The following PLPPR2 variants were observed in gnomAD, a reference collection of about 807,000 sequenced individuals.
The protein encoded by PLPPR2 is phospholipid phosphatase related 2, also known as phospholipid phosphatase-related protein type 2.
PLPPR2 carries 11 observed loss-of-function variants against 40.3 expected under a neutral mutation model. That is an observed-to-expected ratio of 0.27 (90% confidence interval 0.17 to 0.45). The LOEUF (loss-of-function observed/expected upper bound fraction) is 0.45. PLPPR2 is among the 20% of genes least tolerant of loss of function. The pLI is 1.00. For synonymous variants in PLPPR2, 260 were observed against 290.8 expected, an observed-to-expected ratio of 0.89 and a Z score of 1.08; for missense variants, 497 against 640.7, an observed-to-expected ratio of 0.78 and a Z score of 2.42.
At position 11,365,115 on chromosome 19, in the gene PLPPR2, T is replaced by G; in HGVS notation, c.*425T>G. 1 of 205,384 alleles carries G rather than the reference T, an allele frequency of 4.9e-6. No individual in the cohort carries two copies. The allele number at this position is 205,384 out of a possible 1,614,324, so 12.7% of individuals were successfully genotyped here. A position where few individuals can be genotyped will look rare whatever the true frequency, so the allele number is the denominator to read the frequency against. On this transcript the variant is annotated 3_prime_UTR_variant, in exon 10 of 10. Coordinates refer to ENST00000688289, the MANE Select transcript of PLPPR2 (RefSeq NM_001393892.1). ...AGGAGCCCTTGGTTTCCAGAATTTC[T>G]AGAGTGGGTGGGCATGATTCCAGTC... is the stretch of plus-strand genomic sequence containing the variant.
In PLPPR2 at chr19:11,357,586, G is replaced by A. The variant is rs375547454; in HGVS notation, c.-14-74G>A. ...GTGGCCAAAGGACTCAGGGGATGAA[G>A]CCAGGGTCCCGGTGACCTGAGCCTT... On this transcript the variant is annotated intron_variant, in intron 2 of 9. Coordinates refer to ENST00000688289, the MANE Select transcript of PLPPR2 (RefSeq NM_001393892.1). 2.3e-5 allele frequency: 26 copies of A among 1,137,520 alleles called. 2 individuals carry two copies. The highest frequency in any genetic ancestry group is 1.6e-4 in the African/African-American group (10 of 63,384). 70.5% of individuals were successfully genotyped at this position (1,137,520 alleles called of 1,614,324 possible).
chr19:11,360,127 T>A (rs573550954), intron 5 of PLPPR2, among the ~76,000 whole-genome samples, 171 bp downstream of exon 5: 18 of 152,186 alleles, frequency 1.2e-4, no homozygotes, highest in African/African-American at 4.3e-4. Flanking sequence ...GGTCAGGAGT[T>A]CAGGACCAGC....
In PLPPR2 at chr19:11,362,743, C is replaced by A; in HGVS notation, c.840+54C>A. On this transcript the variant is annotated intron_variant, in intron 7 of 9. Coordinates refer to ENST00000688289, the MANE Select transcript of PLPPR2 (RefSeq NM_001393892.1). This position sits in a 1 kb window ranked among gnomAD's most constrained non-coding sequence, Gnocchi z 5.3. ...TGGAAGACCCTCACCAGCTCTCTGA[C>A]CCAAGAGGCAGGACCACATGATGGA... 6.4e-7 allele frequency: 1 copy of A among 1,565,990 alleles called. No individual in the cohort carries two copies. Among genetic ancestry groups the A allele is most frequent in the Non-Finnish European group, 8.7e-7 (1 of 1,152,874 alleles).
rs1967979034 is a variant in PLPPR2 at position 11,359,296 on chromosome 19, C to T, written c.67-236C>T. ...ACAGGCACGAGCCGCTGCACACGGCCCCTCTGTTTCTGTCTCCTTCTCCTT... is the reference window on the plus strand; with the variant it reads ...ACAGGCACGAGCCGCTGCACACGGCTCCTCTGTTTCTGTCTCCTTCTCCTT... On this transcript the variant is annotated intron_variant, in intron 3 of 9. Transcript: ENST00000688289. This position sits in a 1 kb window ranked among gnomAD's most constrained non-coding sequence, Gnocchi z 5.6. Among the ~76,000 whole-genome samples, 1 of 152,128 alleles carries T rather than the reference C, an allele frequency of 6.6e-6. No homozygotes were observed. Among genetic ancestry groups the T allele is most frequent in the Non-Finnish European group, 1.5e-5 (1 of 68,028 alleles).
At position 11,359,684 on chromosome 19, in the gene PLPPR2, T is replaced by C; in HGVS notation, c.219T>C (p.Leu73=). The C allele has an allele frequency of 6.2e-7, 1 of 1,609,106 alleles. No individual in the cohort carries two copies. Among genetic ancestry groups the C allele is most frequent in the South Asian group, 1.1e-5 (1 of 90,224 alleles). ...CTGCCAGCCGAGTGCCTCCTGCTCT[T>C]GTCTACGCACTGGTCACTGCCGGGC... ...PEAASRVPPA[L]VYALVTAGPT... The change falls in exon 4 of 10, where the codon CTT becomes CTC. Residue 73 remains leucine (L), a synonymous_variant. Transcript: ENST00000688289. This position sits in a 1 kb window ranked among gnomAD's most constrained non-coding sequence, Gnocchi z 5.6.
chr19:11,359,991 A>T lies in PLPPR2; in HGVS notation c.391+35A>T, dbSNP rs899410768. The T allele has an allele frequency of 5.7e-6, 9 of 1,565,466 alleles. No homozygotes were observed. Among genetic ancestry groups the T allele is most frequent in the Non-Finnish European group, 7.8e-6 (9 of 1,154,588 alleles). On this transcript the variant is annotated intron_variant, in intron 5 of 9. Coordinates refer to ENST00000688289, the MANE Select transcript of PLPPR2 (RefSeq NM_001393892.1). This position sits in a 1 kb window ranked among gnomAD's most constrained non-coding sequence, Gnocchi z 5.6. ...ATGGCCTGGGGTCAGCCCCATGGTA[A>T]TGGTGGGGAGGTGGGTATAGAAGAA...
rs745976950 is a variant in PLPPR2, at chr19:11,357,758, C to G, written c.66+19C>G. On this transcript the variant is annotated intron_variant, in intron 3 of 9. Coordinates refer to ENST00000688289, the MANE Select transcript of PLPPR2 (RefSeq NM_001393892.1). ...CGTGGAGGTGAGGACCCCCGTACCT[C>G]TCCCAGAGACGGCGTGCCTATCTCT... 2 of 1,581,780 alleles carry G rather than the reference C, an allele frequency of 1.3e-6. No homozygotes were observed. Among genetic ancestry groups the G allele is most frequent in the South Asian group, 1.2e-5 (1 of 86,762 alleles).
chr19:11,364,373 C>T lies in PLPPR2; in HGVS notation c.1042C>T (p.His348Tyr). ...GTCGCAGAACTGCGCCCGCCGTGGCCACCTGATCCCCAGCTGTGTCTCCTC... is the reference window on the plus strand; with the variant it reads ...GTCGCAGAACTGCGCCCGCCGTGGCTACCTGATCCCCAGCTGTGTCTCCTC... ...SKSQNCARRG[H>Y]LIPSCVSSRA... The change falls in exon 10 of 10, where the codon CAC (histidine) becomes TAC (tyrosine). Residue 348 changes from histidine (H) to tyrosine (Y), a missense_variant. His to Tyr is a moderately conservative substitution (Grantham distance 83). Coordinates refer to ENST00000688289, the MANE Select transcript of PLPPR2 (RefSeq NM_001393892.1). This position sits in a 1 kb window ranked among gnomAD's most constrained non-coding sequence, Gnocchi z 5.8. The T allele has an allele frequency of 6.6e-7, 1 of 1,519,330 alleles. No homozygotes were observed. Among genetic ancestry groups the T allele is most frequent in the Non-Finnish European group, 8.8e-7 (1 of 1,134,812 alleles). The allele number at this position is 1,519,330 out of a possible 1,614,324, so 94.1% of individuals were successfully genotyped here. A position where few individuals can be genotyped will look rare whatever the true frequency, so the allele number is the denominator to read the frequency against.
At position 11,361,579 on chromosome 19, in the gene PLPPR2, C is replaced by T; in HGVS notation, c.663+91C>T. Reference sequence around the variant, plus strand: ...AGCCGCCAGGGTTGGAGCCTCTGCTCTTCCACGCCCCGGGTGCTGTTGGAA... The same window carrying T: ...AGCCGCCAGGGTTGGAGCCTCTGCTTTTCCACGCCCCGGGTGCTGTTGGAA... On this transcript the variant is annotated intron_variant, in intron 6 of 9. Coordinates refer to ENST00000688289, the MANE Select transcript of PLPPR2 (RefSeq NM_001393892.1). The surrounding 1 kb of genome is among the most constrained non-coding windows in gnomAD (Gnocchi z 6.3). The T allele has an allele frequency of 6.7e-7, 1 of 1,493,158 alleles. No individual in the cohort carries two copies. The highest frequency in any genetic ancestry group is 8.9e-7 in the Non-Finnish European group (1 of 1,119,390). The allele number at this position is 1,493,158 out of a possible 1,614,324, so 92.5% of individuals were successfully genotyped here. A position where few individuals can be genotyped will look rare whatever the true frequency, so the allele number is the denominator to read the frequency against.
rs1968106674 is a variant in PLPPR2 at position 11,363,497 on chromosome 19, TCTTA to T, written c.841-208_841-205del. ...TAAATCCTGCCACTGTACAACTTGG[TCTTA>T]CTTACTTTAGCCTAGTGTGGGGTCT... On this transcript the variant is annotated intron_variant, in intron 7 of 9. Transcript: ENST00000688289. This position sits in a 1 kb window ranked among gnomAD's most constrained non-coding sequence, Gnocchi z 4.8. Among the ~76,000 whole-genome samples the T allele has an allele frequency of 6.6e-6, 1 of 152,126 alleles. No individual in the cohort carries two copies. The highest frequency in any genetic ancestry group is 1.5e-5 in the Non-Finnish European group (1 of 68,016).
In PLPPR2 at chr19:11,365,049, G is replaced by C. The variant is rs1448027311; in HGVS notation, c.*359G>C. 1 of 315,316 alleles carries C rather than the reference G, an allele frequency of 3.2e-6. No homozygotes were observed. The highest frequency in any genetic ancestry group is 5.9e-6 in the Non-Finnish European group (1 of 170,476). The allele number at this position is 315,316 out of a possible 1,614,324, so 19.5% of individuals were successfully genotyped here. ...CTCACTTCTTAGAATCCTCCTGCAA[G>C]AGGGCAACTCCAGCCAGTGTTCAGC... is the stretch of plus-strand genomic sequence containing the variant. On this transcript the variant is annotated 3_prime_UTR_variant, in exon 10 of 10. Transcript: ENST00000688289.
In PLPPR2 at chr19:11,359,386, C is replaced by A. The variant is rs1967981462; in HGVS notation, c.67-146C>A. 3.0e-6 allele frequency: 2 copies of A among 672,912 alleles called. No homozygotes were observed. Among genetic ancestry groups the A allele is most frequent in the Non-Finnish European group, 4.6e-6 (2 of 436,294 alleles). 41.7% of individuals were successfully genotyped at this position (672,912 alleles called of 1,614,324 possible). A position where few individuals can be genotyped will look rare whatever the true frequency, so the allele number is the denominator to read the frequency against. ...CCCCATTTCTCTCAGTCTCTCTCCC[C>A]CTTGTCTCTGTCTCTCTCCATCTTC... On this transcript the variant is annotated intron_variant, in intron 3 of 9. Transcript: ENST00000688289. This position sits in a 1 kb window ranked among gnomAD's most constrained non-coding sequence, Gnocchi z 5.6.
At position 11,361,366 on chromosome 19, in the gene PLPPR2, C is replaced by G; in HGVS notation, c.541C>G (p.Pro181Ala). 1 of 1,612,458 alleles carries G rather than the reference C, an allele frequency of 6.2e-7. No individual in the cohort carries two copies. Among genetic ancestry groups the G allele is most frequent in the Non-Finnish European group, 8.5e-7 (1 of 1,179,908 alleles). The change falls in exon 6 of 10, where the codon CCC (proline) becomes GCC (alanine). Residue 181 changes from proline to alanine, a missense_variant. Coordinates refer to ENST00000688289, the MANE Select transcript of PLPPR2 (RefSeq NM_001393892.1). This position sits in a 1 kb window ranked among gnomAD's most constrained non-coding sequence, Gnocchi z 6.3. Reference sequence around the variant, plus strand: ...GCCACCTTCTCCGGATCGGCCAGGTCCCGACCGCTTTGTCACTGACCAGGG... The same window carrying G: ...GCCACCTTCTCCGGATCGGCCAGGTGCCGACCGCTTTGTCACTGACCAGGG... Reference protein sequence around the residue: ...CLPPSPDRPGPDRFVTDQGAC... With the variant: ...CLPPSPDRPGADRFVTDQGAC...
Position 11,361,526 on chromosome 19 carries a change from C to A in PLPPR2, c.663+38C>A. ...AGCTTCGGGGTCGGAAATGGGTGTG[C>A]AGGCTGGACAGCGACCAGCAGCTAG... On this transcript the variant is annotated intron_variant, in intron 6 of 9. Coordinates refer to ENST00000688289, the MANE Select transcript of PLPPR2 (RefSeq NM_001393892.1). This position sits in a 1 kb window ranked among gnomAD's most constrained non-coding sequence, Gnocchi z 6.3. 2 of 1,558,480 alleles carry A rather than the reference C, an allele frequency of 1.3e-6. No homozygotes were observed. Among genetic ancestry groups the A allele is most frequent in the Non-Finnish European group, 1.7e-6 (2 of 1,155,936 alleles).
Position 11,361,414 on chromosome 19 carries a change from C to T in PLPPR2, c.589C>T (p.Leu197Phe). Residue 197 changes from leucine (L) to phenylalanine (F), a missense_variant, in exon 6 of 10, where the codon CTC (leucine) becomes TTC (phenylalanine). Physicochemically the swap from Leu to Phe is conservative, Grantham distance 22. Transcript: ENST00000688289. This position sits in a 1 kb window ranked among gnomAD's most constrained non-coding sequence, Gnocchi z 6.3. ...GGGTGCCTGCGCTGGCAGTCCCAGC[C>T]TCGTGGCCGCCGCGCGCCGCGCCTT... Reference protein sequence around the residue: ...DQGACAGSPSLVAAARRAFPC... With the variant: ...DQGACAGSPSFVAAARRAFPC... 6.2e-7 allele frequency: 1 copy of T among 1,608,138 alleles called. No individual in the cohort carries two copies. The highest frequency in any genetic ancestry group is 1.3e-5 in the African/African-American group (1 of 75,038).
At chr19:11,356,506 A>G (rs1967883478) in intron 1 of PLPPR2, among the ~76,000 whole-genome samples, 1 of 152,108 alleles carries the variant, frequency 6.6e-6, no homozygotes, top group South Asian at 2.1e-4. Flanking sequence ...CTATGAGCCC[A>G]CTGTGTGTGA....
Position 11,359,390 on chromosome 19 carries a change from G to A in PLPPR2, c.67-142G>A. ...ATTTCTCTCAGTCTCTCTCCCCCTT[G>A]TCTCTGTCTCTCTCCATCTTCTAGT... On this transcript the variant is annotated intron_variant, in intron 3 of 9. Transcript: ENST00000688289. This position sits in a 1 kb window ranked among gnomAD's most constrained non-coding sequence, Gnocchi z 5.6. 2.9e-6 allele frequency: 2 copies of A among 692,034 alleles called. No individual in the cohort carries two copies. Among genetic ancestry groups the A allele is most frequent in the Non-Finnish European group, 4.4e-6 (2 of 454,818 alleles). The allele number at this position is 692,034 out of a possible 1,614,324, so 42.9% of individuals were successfully genotyped here. A position where few individuals can be genotyped will look rare whatever the true frequency, so the allele number is the denominator to read the frequency against.
chr19:11,362,328 C>CCT lies in PLPPR2; in HGVS notation c.664-184_664-183dup. 1.7e-6 allele frequency: 1 copy of CCT among 582,422 alleles called. No homozygotes were observed. The allele number at this position is 582,422 out of a possible 1,614,324, so 36.1% of individuals were successfully genotyped here. ...AAGACCTCAATCCCTGACCCCCCCC[C>CCT]CTTTGCCTTTTTGGTCACGCTCCCT... On this transcript the variant is annotated intron_variant, in intron 6 of 9. Transcript: ENST00000688289. The surrounding 1 kb of genome is among the most constrained non-coding windows in gnomAD (Gnocchi z 5.3).
At chr19:11,360,533 A>G (rs1968015155) in intron 5 of PLPPR2, among the ~76,000 whole-genome samples, 1 of 152,084 alleles carries the variant, frequency 6.6e-6, no homozygotes, top group Non-Finnish European at 1.5e-5. Context: ...ACCAGATGTA[A>G]TGGAGGTTCT....
Sources: gnomAD v4.1 joint callset for allele counts (sites outside exome capture counted in the v4.1 genomes callset) on GRCh38, gnomAD v4.1.1 for gene constraint, Gnocchi (gnomAD v3.1) non-coding constraint, MANE v1.5 for transcripts, NCBI Gene and HGNC (gene_info 2026-07-23, HGNC 2026-07-21) for gene names.